Variants in XKR4 observed in about 807,000 individuals in gnomAD.
XKR4 encodes the protein XK-related protein 4.
XKR4 carries 12 observed loss-of-function variants against 53.9 expected under a neutral mutation model. That is an observed-to-expected ratio of 0.22 (90% CI 0.14 to 0.36). XKR4 has a LOEUF of 0.36. XKR4 is among the 10% of genes least tolerant of loss of function. XKR4 has a pLI of 1.00. For missense variants in XKR4, 799 were observed against 859.5 expected, an observed-to-expected ratio of 0.93 and a Z score of 0.88; for synonymous variants, 354 against 362.4, an observed-to-expected ratio of 0.98 and a Z score of 0.26.
At chr8:55,163,050 A>T (rs893557791) in intron 1 of XKR4, among the ~76,000 whole-genome samples, 4 of 152,208 alleles carry the variant, frequency 2.6e-5, no homozygotes, top group African/African-American at 9.7e-5. Context: ...CATCATTTCT[A>T]GTCTTGGCCT....
chr8:55,115,996 G>T lies in XKR4; in HGVS notation c.806+12702G>T, dbSNP rs529162173. ...GTGGTGGATGCTGAGGGAACCATTG[G>T]CTTCAGAGTAACCAGACACCAAGAA... On this transcript the variant is annotated intron_variant, in intron 1 of 2. Transcript: ENST00000327381. 8.9e-4 allele frequency among the ~76,000 whole-genome samples: 135 copies of T among 152,276 alleles called. 1 individual carries two copies. The highest frequency in any genetic ancestry group is 1.7e-3 in the Non-Finnish European group (115 of 68,024).
intron 2 of XKR4, among the ~76,000 whole-genome samples, chr8:55,426,230 C>A (rs2976004): frequency 0.83 from 125,715 of 152,264 alleles, 52,691 homozygotes; most frequent in East Asian, 1. Flanking sequence ...CACAGAGTTT[C>A]TTTTGCTTTA....
At chr8:55,107,132 T>C (rs1816160452) in intron 1 of XKR4, among the ~76,000 whole-genome samples, 2 of 152,200 alleles carry the variant, frequency 1.3e-5, no homozygotes, top group African/African-American at 2.4e-5. Context: ...TTATTGGCAC[T>C]TTAAAAATAT....
At chr8:55,455,448 A>G (rs1259997842) in intron 2 of XKR4, among the ~76,000 whole-genome samples, 1 of 152,206 alleles carries the variant, frequency 6.6e-6, no homozygotes, top group East Asian at 1.9e-4. Flanking sequence ...ACCAACCTGA[A>G]GTTCAACACG....
In XKR4 at chr8:55,452,431, A is replaced by T; in HGVS notation, c.1007-70850A>T. Reference sequence around the variant, plus strand: ...CCCTCAGCTGGGAGCAGTGCTGGCCACCCCGCACTGCCCGCCCTCGCACCC... The same window carrying T: ...CCCTCAGCTGGGAGCAGTGCTGGCCTCCCCGCACTGCCCGCCCTCGCACCC... On this transcript the variant is annotated intron_variant, in intron 2 of 2. Coordinates refer to ENST00000327381, the MANE Select transcript of XKR4 (RefSeq NM_052898.2). The T allele has an allele frequency of 4.8e-6, 3 of 625,172 alleles. No individual in the cohort carries two copies. In the South Asian group the frequency reaches 5.2e-5, roughly 11 times the overall value. 38.7% of individuals were successfully genotyped at this position (625,172 alleles called of 1,614,324 possible).
chr8:55,303,670 T>C (rs1249431833), intron 1 of XKR4, among the ~76,000 whole-genome samples: 2 of 152,204 alleles, frequency 1.3e-5, no homozygotes, highest in Non-Finnish European at 2.9e-5. Context: ...TGCCACAATT[T>C]CAGAGCCTGT....
At chr8:55,221,575 C>T (rs1268090076) in intron 1 of XKR4, among the ~76,000 whole-genome samples, 1 of 152,176 alleles carries the variant, frequency 6.6e-6, no homozygotes, top group Non-Finnish European at 1.5e-5. Flanking sequence ...CTTTGTGGTG[C>T]TCAGACTACA....
intron 1 of XKR4, chr8:55,164,445 G>A (rs1337907156): frequency 1.5e-5 from 7 of 456,162 alleles, no homozygotes; most frequent in African/African-American, 6.0e-5. Flanking sequence ...AGCACCTTGA[G>A]GACAGAGCTG....
At chr8:55,336,441 A>G (rs1180111590) in intron 1 of XKR4, among the ~76,000 whole-genome samples, 3 of 152,186 alleles carry the variant, frequency 2.0e-5, no homozygotes, top group Admixed American at 1.3e-4. Context: ...AAACAGACTA[A>G]TACACTGGGC....
chr8:55,490,813 TGC>T (rs916663328), intron 2 of XKR4, among the ~76,000 whole-genome samples: 11 of 150,642 alleles, frequency 7.3e-5, no homozygotes, highest in Admixed American at 3.3e-4. Flanking sequence ...TGTGTGTGTG[TGC>T]GCACGCGCAT....
chr8:55,358,929 G>T (rs1440341163), intron 2 of XKR4, among the ~76,000 whole-genome samples: 3 of 152,176 alleles, frequency 2.0e-5, no homozygotes, highest in African/African-American at 7.2e-5. Flanking sequence ...GCTTTAATTT[G>T]GGGGACAGAA....
intron 1 of XKR4, among the ~76,000 whole-genome samples, chr8:55,268,927 C>T (rs1002965982): frequency 2.0e-5 from 3 of 152,176 alleles, no homozygotes; most frequent in African/African-American, 7.2e-5. Context: ...ATGTTTTAAT[C>T]ATTTTGGATG....
chr8:55,334,101 A>G (rs1184822686), intron 1 of XKR4, among the ~76,000 whole-genome samples: 1 of 152,142 alleles, frequency 6.6e-6, no homozygotes, highest in Non-Finnish European at 1.5e-5. Context: ...GAAAGAAGGA[A>G]ATGAAAGACC....
intron 2 of XKR4, among the ~76,000 whole-genome samples, chr8:55,431,184 G>T (rs111386947): frequency 0.039 from 5,884 of 152,270 alleles, 149 homozygotes; most frequent in Middle Eastern, 0.061. Context: ...ATTAGAATGT[G>T]CTCACATTGA....
intron 2 of XKR4, among the ~76,000 whole-genome samples, chr8:55,472,811 T>A (rs569053680): frequency 6.6e-6 from 1 of 151,884 alleles, no homozygotes; most frequent in Non-Finnish European, 1.5e-5. Context: ...TAATGGGGGG[T>A]GAGGAAACGG....
chr8:55,534,064 T>C lies in XKR4; in HGVS notation c.*9837T>C, dbSNP rs1806991680. 6.6e-6 allele frequency: 1 copy of C among 152,154 alleles called. No individual in the cohort carries two copies. Among genetic ancestry groups the C allele is most frequent in the Non-Finnish European group, 1.5e-5 (1 of 68,038 alleles). The allele number at this position is 152,154 out of a possible 1,614,324, so 9.4% of individuals were successfully genotyped here. On this transcript the variant is annotated 3_prime_UTR_variant, in exon 3 of 3. Coordinates refer to ENST00000327381, the MANE Select transcript of XKR4 (RefSeq NM_052898.2). ...TCCACATGTTTGGAAATGAAAATAA[T>C]GCACTGTCATCTGTTGAATAATTGA...
chr8:55,440,931 C>T (rs1303581721), intron 2 of XKR4, among the ~76,000 whole-genome samples: 1 of 151,958 alleles, frequency 6.6e-6, no homozygotes, highest in African/African-American at 2.4e-5. Context: ...AAATACAACA[C>T]AGCTAGTCAC....
intron 1 of XKR4, among the ~76,000 whole-genome samples, chr8:55,319,818 T>C (rs1586008920): frequency 6.6e-6 from 1 of 152,218 alleles, no homozygotes; most frequent in East Asian, 1.9e-4. Context: ...TGAGATGAAA[T>C]AATTTTTCCT....
intron 2 of XKR4, among the ~76,000 whole-genome samples, chr8:55,380,345 A>C (rs1243049110): frequency 6.6e-6 from 1 of 152,194 alleles, no homozygotes; most frequent in Non-Finnish European, 1.5e-5. Context: ...TCCTATCATA[A>C]CCCCCTTCAA....
Sources: allele counts gnomAD v4.1 joint callset (sites outside exome capture counted in the v4.1 genomes callset), GRCh38; gene constraint gnomAD v4.1.1; transcripts MANE v1.5; gene names NCBI Gene and HGNC (gene_info 2026-07-23, HGNC 2026-07-21).